Variants in MMS22L observed in about 807,000 individuals in gnomAD.
The protein encoded by MMS22L is protein MMS22-like.
Under a neutral mutation model 159.1 loss-of-function variants are expected in MMS22L, and 74 were observed. That is an observed-to-expected ratio of 0.47 (90% CI 0.39 to 0.56). The LOEUF (loss-of-function observed/expected upper bound fraction) is 0.56. Ranked by LOEUF, MMS22L falls within the 20% of genes least tolerant of loss-of-function variation. The pLI, the probability that MMS22L is intolerant of heterozygous loss-of-function variation, is 0.00. For missense variants in MMS22L, 1,351 were observed against 1,422.1 expected, an observed-to-expected ratio of 0.95 and a Z score of 0.80; for synonymous variants, 517 against 506.9, an observed-to-expected ratio of 1.02 and a Z score of -0.27.
At position 97,145,022 on chromosome 6, in the gene MMS22L, A is replaced by AACCCCCCCCCCCCCCCCC. The variant is rs1554253251; in HGVS notation, c.*1783_*1784insGGGGGGGGGGGGGGGGGT. 1 of 103,278 alleles carries AACCCCCCCCCCCCCCCCC rather than the reference A, an allele frequency of 9.7e-6. No homozygotes were observed. Among genetic ancestry groups the AACCCCCCCCCCCCCCCCC allele is most frequent in the African/African-American group, 4.3e-5 (1 of 23,150 alleles). 6.4% of individuals were successfully genotyped at this position (103,278 alleles called of 1,614,324 possible). On this transcript the variant is annotated 3_prime_UTR_variant, in exon 25 of 25. Coordinates refer to ENST00000683635, the MANE Select transcript of MMS22L (RefSeq NM_001350599.2). ...TATCAATCTCCTTTGGAAAAAAAAAACCCACACACACACACACACACACAC... is the reference window on the plus strand; with the variant it reads ...TATCAATCTCCTTTGGAAAAAAAAAAACCCCCCCCCCCCCCCCCCCCACACACACACACACACACACAC...
Position 97,142,303 on chromosome 6 carries a change from C to T in MMS22L, c.*4503G>A, listed in dbSNP as rs1208514094. 34 of 152,320 alleles carry T rather than the reference C, an allele frequency of 2.2e-4. 1 individual carries two copies. The highest frequency in any genetic ancestry group is 2.2e-3 in the Admixed American group (34 of 15,258). The allele number at this position is 152,320 out of a possible 1,614,324, so 9.4% of individuals were successfully genotyped here. ...GCAATGAATTGGATAGCCATTGGCA[C>T]ATCAAAAATTTTAATAAGTATAAAC... On this transcript the variant is annotated 3_prime_UTR_variant, in exon 25 of 25. Transcript: ENST00000683635.
intron 14 of MMS22L, among the ~76,000 whole-genome samples, chr6:97,204,640 G>A (rs1284662923): frequency 1.3e-5 from 2 of 151,770 alleles, no homozygotes; most frequent in African/African-American, 2.4e-5. Flanking sequence ...ATATTAGGCG[G>A]GGGTAGGGGG....
intron 10 of MMS22L, among the ~76,000 whole-genome samples, chr6:97,249,372 C>T (rs1332664235): frequency 6.6e-6 from 1 of 152,166 alleles, no homozygotes; most frequent in Non-Finnish European, 1.5e-5. Context: ...AAAATAATAG[C>T]TTTCAGTGAG....
intron 19 of MMS22L, among the ~76,000 whole-genome samples, chr6:97,169,411 A>G (rs1022799324): frequency 6.6e-6 from 1 of 152,150 alleles, no homozygotes; most frequent in Admixed American, 6.6e-5. Context: ...TGGTACATCT[A>G]CTGCATAAAC....
intron 14 of MMS22L, among the ~76,000 whole-genome samples, chr6:97,215,114 A>C (rs5878468): frequency 1.1e-5 from 1 of 87,190 alleles, no homozygotes; most frequent in African/African-American, 3.5e-5. Flanking sequence ...ATATATATAT[A>C]TTTTTTTTTT....
At chr6:97,155,747 G>A (rs1004000719) in intron 22 of MMS22L, among the ~76,000 whole-genome samples, 6 of 151,838 alleles carry the variant, frequency 4.0e-5, no homozygotes, top group Non-Finnish European at 8.8e-5. Context: ...AAGTATTGAT[G>A]ACTTCACAAT....
rs868543167 is a variant in MMS22L, at chr6:97,174,625, T to C, written c.2680-1403A>G. Among the ~76,000 whole-genome samples the C allele has an allele frequency of 3.1e-4, 47 of 152,220 alleles. No individual in the cohort carries two copies. In the Middle Eastern group the frequency reaches 0.01, roughly 33 times the overall value. ...GATAACAGAGAGGGGAAGATTACAG[T>C]GTGGTCACTCATGAGCTGGAAGGAC... On this transcript the variant is annotated intron_variant, in intron 18 of 24. Transcript: ENST00000683635.
chr6:97,221,388 A>C (rs1326233860), intron 14 of MMS22L, among the ~76,000 whole-genome samples: 1 of 152,096 alleles, frequency 6.6e-6, no homozygotes, highest in Non-Finnish European at 1.5e-5. Context: ...GTTTCAGCAA[A>C]ACACAAAAAA....
intron 24 of MMS22L, among the ~76,000 whole-genome samples, chr6:97,148,860 G>A (rs1010510609): frequency 1.3e-5 from 2 of 151,682 alleles, no homozygotes; most frequent in Non-Finnish European, 2.9e-5. Flanking sequence ...CTCACTCGCC[G>A]ACCCACCCAG....
chr6:97,259,855 A>G (rs1170856932), intron 9 of MMS22L: 1 of 152,178 alleles, frequency 6.6e-6, no homozygotes, highest in Non-Finnish European at 1.5e-5. Context: ...TAAAAACAAT[A>G]CTGCAATAAA....
In MMS22L at chr6:97,272,959, T is replaced by C; in HGVS notation, c.428+16A>G. ...GAAATTCATGCAGTGATCAAAATAC[T>C]CATCTGATATCCTACCTGAAGATGA... On this transcript the variant is annotated intron_variant, in intron 5 of 24. Transcript: ENST00000683635. 6.2e-7 allele frequency: 1 copy of C among 1,608,688 alleles called. No individual in the cohort carries two copies. The highest frequency in any genetic ancestry group is 8.5e-7 in the Non-Finnish European group (1 of 1,177,844).
chr6:97,244,720 A>C (rs1372596879), intron 11 of MMS22L, among the ~76,000 whole-genome samples: 4 of 151,988 alleles, frequency 2.6e-5, no homozygotes, highest in Non-Finnish European at 5.9e-5. Flanking sequence ...CAATTGTAGG[A>C]CCTTGTGATC....
intron 19 of MMS22L, among the ~76,000 whole-genome samples, chr6:97,169,407 A>T (rs555323353): frequency 1.3e-5 from 2 of 152,276 alleles, no homozygotes; most frequent in East Asian, 3.9e-4. Flanking sequence ...ACAGTGGTAC[A>T]TCTACTGCAT....
intron 14 of MMS22L, among the ~76,000 whole-genome samples, chr6:97,227,988 T>C (rs186521178): frequency 3.2e-3 from 494 of 152,380 alleles, no homozygotes; most frequent in African/African-American, 0.011. Flanking sequence ...GTGTTATTAA[T>C]AGAATTATCT....
At chr6:97,215,917 C>G (rs917537363) in intron 14 of MMS22L, among the ~76,000 whole-genome samples, 1 of 151,820 alleles carries the variant, frequency 6.6e-6, no homozygotes, top group Non-Finnish European at 1.5e-5. Context: ...TTTAAATAAG[C>G]CTTAAATCTG....
chr6:97,257,468 T>TG (rs1410741090), intron 9 of MMS22L, among the ~76,000 whole-genome samples: 1 of 152,120 alleles, frequency 6.6e-6, no homozygotes, highest in Non-Finnish European at 1.5e-5. Flanking sequence ...TCTTTTTTTG[T>TG]GGGGGGAGAG....
intron 14 of MMS22L, among the ~76,000 whole-genome samples, chr6:97,209,350 T>C (rs1808124758): frequency 6.6e-6 from 1 of 152,062 alleles, no homozygotes; most frequent in Non-Finnish European, 1.5e-5. Context: ...CCACTACTAC[T>C]TTTTAATATT....
At chr6:97,173,327 C>CCTG in intron 18 of MMS22L, 105 bp from the exon 19 acceptor site, 1 of 998,284 alleles carries the variant, frequency 1.0e-6, no homozygotes. Flanking sequence ...CACCCATACC[C>CCTG]TTTACATTTA....
intron 14 of MMS22L, among the ~76,000 whole-genome samples, chr6:97,215,135 A>C (rs1808869400): frequency 7.0e-6 from 1 of 143,304 alleles, no homozygotes; most frequent in African/African-American, 2.6e-5. Context: ...GCATTGTTTC[A>C]CTAGCGGCTG....
Sources: gnomAD v4.1 joint callset for allele counts (sites outside exome capture counted in the v4.1 genomes callset) on GRCh38, gnomAD v4.1.1 for gene constraint, MANE v1.5 for transcripts, NCBI Gene and HGNC (gene_info 2026-07-23, HGNC 2026-07-21) for gene names.